Variants in FIRRM observed in about 807,000 individuals in gnomAD.
FIRRM encodes FIGNL1 interacting regulator of recombination and mitosis.
the FIRRM span, among the ~76,000 whole-genome samples, chr1:169,796,758 G>A: frequency 0.26 from 40,076 of 152,030 alleles, 5,779 homozygotes; most frequent in Middle Eastern, 0.36. Context: ...TCTAAGCCTT[G>A]CCCTTCTCTC....
chr1:169,795,817 CCT>C, the FIRRM span: 1 of 979,814 alleles, frequency 1.0e-6, no homozygotes, highest in Non-Finnish European at 1.2e-6. Flanking sequence ...AGTTCTCACT[CCT>C]CTCACCCAGG....
the FIRRM span, chr1:169,829,126 G>C: frequency 4.5e-6 from 3 of 661,010 alleles, no homozygotes; most frequent in Non-Finnish European, 7.0e-6. Context: ...ATATTCACAC[G>C]TGTTGGAAAC....
At chr1:169,786,207 G>A in the FIRRM span, among the ~76,000 whole-genome samples, 1 of 152,230 alleles carries the variant, frequency 6.6e-6, no homozygotes, top group South Asian at 2.1e-4. Context: ...TAAAATACAG[G>A]CTTGGATGTA....
At chr1:169,801,679 A>G in the FIRRM span, among the ~76,000 whole-genome samples, 105,982 of 150,800 alleles carry the variant, frequency 0.7, 37,465 homozygotes, top group Middle Eastern at 0.86. Flanking sequence ...CACAGAATAC[A>G]TTATTACATT....
chr1:169,804,826 G>A, the FIRRM span, among the ~76,000 whole-genome samples: 5 of 152,142 alleles, frequency 3.3e-5, no homozygotes, highest in Non-Finnish European at 5.9e-5. Flanking sequence ...GGGATTATAG[G>A]CGTCCGCCAC....
chr1:169,822,316 T>C, the FIRRM span, among the ~76,000 whole-genome samples: 1 of 152,210 alleles, frequency 6.6e-6, no homozygotes, highest in African/African-American at 2.4e-5. Flanking sequence ...ATTCTGACTA[T>C]AATAAATCGT....
the FIRRM span, among the ~76,000 whole-genome samples, chr1:169,840,633 C>T: frequency 6.6e-6 from 1 of 151,834 alleles, no homozygotes; most frequent in Non-Finnish European, 1.5e-5. Flanking sequence ...GCCTCAGCCT[C>T]CCGAGTAGCT....
chr1:169,816,274 C>A, the FIRRM span, among the ~76,000 whole-genome samples: 1 of 152,162 alleles, frequency 6.6e-6, no homozygotes, highest in Non-Finnish European at 1.5e-5. Context: ...CAGATTTTCA[C>A]ATTACCATCT....
chr1:169,833,110 C>T, the FIRRM span, among the ~76,000 whole-genome samples: 1 of 151,944 alleles, frequency 6.6e-6, no homozygotes, highest in African/African-American at 2.4e-5. Flanking sequence ...GTTCTATATC[C>T]CCTGCCCCTT....
At chr1:169,843,343 AG>A in the FIRRM span, among the ~76,000 whole-genome samples, 1 of 152,220 alleles carries the variant, frequency 6.6e-6, no homozygotes, top group Non-Finnish European at 1.5e-5. Context: ...TGAAATTTTA[AG>A]ATTACTAAGG....
chr1:169,827,986 G>A, the FIRRM span: 115,016 of 716,156 alleles, frequency 0.16, 10,340 homozygotes, highest in South Asian at 0.24. Flanking sequence ...CATATATATT[G>A]CTACTTTATA....
the FIRRM span, among the ~76,000 whole-genome samples, chr1:169,829,907 T>G: frequency 6.6e-6 from 1 of 152,134 alleles, no homozygotes; most frequent in Non-Finnish European, 1.5e-5. Flanking sequence ...CTATTAAATG[T>G]TGTATGTGAA....
the FIRRM span, among the ~76,000 whole-genome samples, chr1:169,831,905 C>T: frequency 2.6e-5 from 4 of 152,232 alleles, no homozygotes; most frequent in African/African-American, 4.8e-5. Flanking sequence ...TACAGGCATG[C>T]GCCACTATGC....
the FIRRM span, chr1:169,802,577 G>A: frequency 2.2e-6 from 3 of 1,346,276 alleles, no homozygotes; most frequent in African/African-American, 2.9e-5. Flanking sequence ...GTCTTTTCTA[G>A]TGATTTCTCT....
At chr1:169,849,470 C>T in the FIRRM span, 1 of 1,505,638 alleles carries the variant, frequency 6.6e-7, no homozygotes, top group Non-Finnish European at 9.2e-7. Context: ...GGTTTCTTTT[C>T]TCTATTATAA....
the FIRRM span, chr1:169,821,810 C>A: frequency 8.0e-7 from 1 of 1,245,792 alleles, no homozygotes; most frequent in Non-Finnish European, 1.2e-6. Context: ...TCTCAGAAAA[C>A]GAATTATTAT....
At chr1:169,808,799 A>T in the FIRRM span, among the ~76,000 whole-genome samples, 1 of 152,058 alleles carries the variant, frequency 6.6e-6, no homozygotes, top group Non-Finnish European at 1.5e-5. Context: ...GGGTTTCGCC[A>T]TGTTGGCCAG....
At chr1:169,854,019 C>CTTAT in the FIRRM span, 2 of 577,084 alleles carry the variant, frequency 3.5e-6, no homozygotes, top group Non-Finnish European at 5.9e-6. Flanking sequence ...ACACCAAATC[C>CTTAT]TTATTTTAAT....
the FIRRM span, chr1:169,827,608 A>T: frequency 7.7e-7 from 1 of 1,302,090 alleles, no homozygotes; most frequent in Non-Finnish European, 1.1e-6. Context: ...ACTGCACTCC[A>T]GGCTGGGTGA....
Sources: allele counts gnomAD v4.1 joint callset (sites outside exome capture counted in the v4.1 genomes callset), GRCh38; gene constraint gnomAD v4.1.1; transcripts MANE v1.5; gene names NCBI Gene and HGNC (gene_info 2026-07-23, HGNC 2026-07-21).